The following ACO1 variants were observed in gnomAD, a reference collection of about 807,000 sequenced individuals.
ACO1 encodes the protein cytoplasmic aconitate hydratase.
ACO1 carries 78 observed loss-of-function variants against 105.1 expected under a neutral mutation model. The observed-to-expected ratio is 0.74, with a 90% CI of 0.62 to 0.90. The LOEUF is 0.90. Among genes scored for constraint, ACO1 ranks in the 40% least tolerant of loss-of-function variants. The pLI, the probability that ACO1 is intolerant of heterozygous loss-of-function variation, is 0.00. For synonymous variants in ACO1, 364 were observed against 397.4 expected (o/e 0.92, Z 1.00); for missense variants, 965 against 1,111.1 (o/e 0.87, Z 1.87).
intron 15 of ACO1, 121 bp downstream of exon 15, chr9:32,431,964 C>A: frequency 2.6e-6 from 3 of 1,147,656 alleles, no homozygotes; most frequent in Non-Finnish European, 3.5e-6. Context: ...ACATTTATTT[C>A]TTCAGATGAC....
chr9:32,432,117 C>T (rs192930183), intron 15 of ACO1, among the ~76,000 whole-genome samples: 20 of 152,244 alleles, frequency 1.3e-4, no homozygotes, highest in Admixed American at 9.8e-4. Flanking sequence ...CAAAACCCCA[C>T]GCCTTTCTCG....
intron 18 of ACO1, among the ~76,000 whole-genome samples, chr9:32,437,834 G>C (rs906100072): frequency 1.3e-5 from 2 of 152,096 alleles, no homozygotes; most frequent in African/African-American, 4.8e-5. Context: ...AGGAGAAGGT[G>C]ATTAGTTGAG....
At position 32,396,799 on chromosome 9, in the gene ACO1, G is replaced by A. The variant is rs537561641; in HGVS notation, c.-22-8686G>A. On this transcript the variant is annotated intron_variant, in intron 1 of 20. Coordinates refer to ENST00000309951, the MANE Select transcript of ACO1 (RefSeq NM_002197.3). ...CTGTTGTTCCCTGATGTATCACCAG[G>A]ACCTAAAACAGTTCCTGGCATGTAA... 3.3e-5 allele frequency among the ~76,000 whole-genome samples: 5 copies of A among 152,236 alleles called. No individual in the cohort carries two copies. The South Asian group carries it at 1.0e-3, about 32-fold the overall frequency.
intron 4 of ACO1, 66 bp downstream of exon 4, chr9:32,408,717 T>C: frequency 6.4e-7 from 1 of 1,559,284 alleles, no homozygotes; most frequent in Non-Finnish European, 8.7e-7. Flanking sequence ...CGAATCTTTT[T>C]AAAATGTGTA....
rs1452599489 is a variant in ACO1 at position 32,429,421 on chromosome 9, T to C, written c.1487T>C (p.Phe496Ser). 6.2e-7 allele frequency: 1 copy of C among 1,614,128 alleles called. No homozygotes were observed. The highest frequency in any genetic ancestry group is 1.6e-4 in the Middle Eastern group (1 of 6,062). The change falls in exon 13 of 21, where the codon TTT becomes TCT. Residue 496 changes from phenylalanine (F) to serine (S), a missense_variant and splice_region_variant. Transcript: ENST00000309951. ...TGTGCTTCTCTCTTGGTGTCTAGGT[T>C]TGACGTGGTGGGCTATGGCTGCATG... ...GVMPYLSQLG[F>S]DVVGYGCMTC...
chr9:32,388,140 G>A (rs1821192277), intron 1 of ACO1, among the ~76,000 whole-genome samples: 2 of 152,170 alleles, frequency 1.3e-5, no homozygotes, highest in Non-Finnish European at 1.5e-5. Context: ...GGATGTACCT[G>A]CAGTCTAACC....
chr9:32,412,287 A>G (rs1394689345), intron 4 of ACO1, among the ~76,000 whole-genome samples: 1 of 152,186 alleles, frequency 6.6e-6, no homozygotes. Flanking sequence ...AGAGTGACAT[A>G]AGCTACATGG....
chr9:32,420,738 C>G, intron 7 of ACO1, 118 bp from the exon 8 acceptor site: 1 of 1,022,392 alleles, frequency 9.8e-7, no homozygotes, highest in Non-Finnish European at 1.4e-6. Context: ...ATGTGTTGGG[C>G]TGATTTACTA....
At chr9:32,385,074 G>A (rs1821128474) in intron 1 of ACO1, among the ~76,000 whole-genome samples, 1 of 152,190 alleles carries the variant, frequency 6.6e-6, no homozygotes, top group African/African-American at 2.4e-5. Context: ...AGGGTGTGAG[G>A]CCCGCACTGG....
chr9:32,411,945 T>C (rs1386452271), intron 4 of ACO1, among the ~76,000 whole-genome samples: 4 of 152,168 alleles, frequency 2.6e-5, no homozygotes, highest in African/African-American at 9.7e-5. Flanking sequence ...GTGATCACAG[T>C]CCACTGCAGC....
At chr9:32,408,458 A>G in intron 3 of ACO1, 56 bp from the exon 4 acceptor site, 1 of 1,597,654 alleles carries the variant, frequency 6.3e-7, no homozygotes, top group Admixed American at 1.7e-5. Flanking sequence ...AAGCTGAAAA[A>G]TCCAGTTACA....
intron 4 of ACO1, among the ~76,000 whole-genome samples, chr9:32,416,666 C>G (rs1485184308): frequency 6.6e-6 from 1 of 152,156 alleles, no homozygotes; most frequent in Non-Finnish European, 1.5e-5. Context: ...GAGCACACAG[C>G]TTTTGCACCA....
chr9:32,397,036 G>A (rs1821387181), intron 1 of ACO1, among the ~76,000 whole-genome samples: 1 of 151,920 alleles, frequency 6.6e-6, no homozygotes, highest in South Asian at 2.1e-4. Context: ...TCCAGGATGA[G>A]AAAAGACTGA....
chr9:32,436,288 G>A lies in ACO1; in HGVS notation c.2138G>A (p.Arg713Gln), dbSNP rs369736600. The change falls in exon 18 of 21, where the codon CGA becomes CAA. Residue 713 changes from arginine to glutamine, a missense_variant. Transcript: ENST00000309951. ...GAATTCAACTCCTATGGCTCCCGCC[G>A]AGGTAATGACGCCGTCATGGCACGG... ...PREFNSYGSRRGNDAVMARGT... is the reference protein window; with the variant it reads ...PREFNSYGSRQGNDAVMARGT... 52 of 1,613,992 alleles carry A rather than the reference G, an allele frequency of 3.2e-5. No individual in the cohort carries two copies. The highest frequency in any genetic ancestry group is 3.4e-5 in the Non-Finnish European group (40 of 1,180,020).
chr9:32,440,972 G>C (rs1265032204), intron 19 of ACO1, among the ~76,000 whole-genome samples: 1 of 152,194 alleles, frequency 6.6e-6, no homozygotes, highest in Admixed American at 6.5e-5. Flanking sequence ...CCTTGTTCCA[G>C]GTGAATGTCA....
chr9:32,429,353 C>T, intron 12 of ACO1, 66 bp from the exon 13 acceptor site: 1 of 1,471,114 alleles, frequency 6.8e-7, no homozygotes, highest in Non-Finnish European at 9.5e-7. Flanking sequence ...GAAACTGTGG[C>T]CAGCAGAAGG....
In ACO1 at chr9:32,447,200, C is replaced by T. The variant is rs548437759; in HGVS notation, c.2371-1696C>T. 2.6e-5 allele frequency among the ~76,000 whole-genome samples: 4 copies of T among 152,298 alleles called. 1 individual carries two copies. Among genetic ancestry groups the T allele is most frequent in the African/African-American group, 9.6e-5 (4 of 41,564 alleles). On this transcript the variant is annotated intron_variant, in intron 19 of 20. Transcript: ENST00000309951. ...TCATTCTCCCTGTCACTTTCAAGTA[C>T]ACCATTCAAACGTAATTTGGTCTTT... is the stretch of plus-strand genomic sequence containing the variant.
rs1822814143 is a variant in ACO1 at position 32,453,489 on chromosome 9, T to G, written c.*3378T>G. On this transcript the variant is annotated 3_prime_UTR_variant, in exon 21 of 21. Coordinates refer to ENST00000309951, the MANE Select transcript of ACO1 (RefSeq NM_002197.3). ...CACCCCCCCATCCCTCCACCAATCATACCTTCTGTTGGCCTCTGCAGTAGA... is the reference window on the plus strand; with the variant it reads ...CACCCCCCCATCCCTCCACCAATCAGACCTTCTGTTGGCCTCTGCAGTAGA... The G allele has an allele frequency of 6.6e-6, 1 of 151,550 alleles. No individual in the cohort carries two copies. The highest frequency in any genetic ancestry group is 1.5e-5 in the Non-Finnish European group (1 of 67,922). 9.4% of individuals were successfully genotyped at this position (151,550 alleles called of 1,614,324 possible).
At chr9:32,440,630 A>C (rs1378870580) in intron 19 of ACO1, 43 bp downstream of exon 19, 1 of 1,600,164 alleles carries the variant, frequency 6.2e-7, no homozygotes, top group Non-Finnish European at 8.5e-7. Flanking sequence ...TCCCCTCTGA[A>C]CTGGGAGGGT....
Sources: gnomAD v4.1 joint callset for allele counts (sites outside exome capture counted in the v4.1 genomes callset) on GRCh38, gnomAD v4.1.1 for gene constraint, MANE v1.5 for transcripts, NCBI Gene and HGNC (gene_info 2026-07-23, HGNC 2026-07-21) for gene names.